Variants in COA8 observed in about 807,000 individuals in gnomAD.
COA8 encodes UPF0671 protein C14orf153.
A neutral mutation model predicts 22.0 loss-of-function variants in COA8; 20 were observed. That is an observed-to-expected ratio of 0.91 (90% CI 0.64 to 1.32). The LOEUF (loss-of-function observed/expected upper bound fraction) is 1.32, where lower values mean the gene tolerates loss of function less well. Ranked by LOEUF, COA8 falls within the 40% of genes most tolerant of loss-of-function variation. COA8 has a pLI of 0.00. For missense variants in COA8, 266 were observed against 230.0 expected (o/e 1.16, Z -1.01); for synonymous variants, 105 against 79.9 (o/e 1.31, Z -1.68).
intron 2 of COA8, among the ~76,000 whole-genome samples, chr14:103,572,090 G>A (rs1016824879): frequency 1.1e-4 from 17 of 150,990 alleles, no homozygotes; most frequent in African/African-American, 3.9e-4. Flanking sequence ...TTGCGCCACT[G>A]CACTCCAGCC....
chr14:103,568,461 A>C (rs975430111), intron 1 of COA8, among the ~76,000 whole-genome samples: 2 of 151,722 alleles, frequency 1.3e-5, no homozygotes, highest in African/African-American at 4.8e-5. Context: ...ACATACATAC[A>C]TACATACACA....
intron 3 of COA8, among the ~76,000 whole-genome samples, chr14:103,582,875 T>G (rs78902570): frequency 1.4e-4 from 21 of 151,724 alleles, no homozygotes; most frequent in African/African-American, 4.8e-4. Flanking sequence ...TTTCATCACC[T>G]CAAGAAGAAA....
At chr14:103,567,811 G>A (rs949191637) in intron 1 of COA8, among the ~76,000 whole-genome samples, 1 of 152,150 alleles carries the variant, frequency 6.6e-6, no homozygotes, top group Non-Finnish European at 1.5e-5. Context: ...AATAATTAAC[G>A]TATGTATACA....
At chr14:103,571,913 G>A (rs2076190327) in intron 2 of COA8, 93 bp downstream of exon 2, 1 of 1,083,736 alleles carries the variant, frequency 9.2e-7, no homozygotes, top group South Asian at 1.4e-5. Context: ...AGATCACGAG[G>A]TCAGGAGATC....
chr14:103,576,247 G>A lies in COA8; in HGVS notation c.385+2077G>A, dbSNP rs190721530. ...CTTGAACCCAGGAGGCGGAGGTTGC[G>A]GTGAGCCGAGATTGCGCCACTGCAC... is the stretch of plus-strand genomic sequence containing the variant. On this transcript the variant is annotated intron_variant, in intron 3 of 4. Transcript: ENST00000409074. Among the ~76,000 whole-genome samples, 24 of 152,180 alleles carry A rather than the reference G, an allele frequency of 1.6e-4. No homozygotes were observed. In the East Asian group the frequency reaches 1.9e-3, roughly 12 times the overall value.
chr14:103,563,062 T>G lies in COA8; in HGVS notation c.61T>G (p.Cys21Gly). The change falls in exon 1 of 5, where the codon TGC becomes GGC. Residue 21 changes from cysteine (C) to glycine (G), a missense_variant. Transcript: ENST00000409074. ...CCCCCCTCTCTGCCGCGCCTTCGCC[T>G]GCCGCGGCTGTCAACTCGCTCCGGA... The part of the protein sequence containing the change: ...FLPPLCRAFA[C>G]RGCQLAPERG... 1 of 1,541,266 alleles carries G rather than the reference T, an allele frequency of 6.5e-7. No individual in the cohort carries two copies. Among genetic ancestry groups the G allele is most frequent in the Non-Finnish European group, 8.7e-7 (1 of 1,148,472 alleles).
At chr14:103,585,732 C>G (rs1338748709) in intron 3 of COA8, among the ~76,000 whole-genome samples, 1 of 149,822 alleles carries the variant, frequency 6.7e-6, no homozygotes, top group African/African-American at 2.5e-5. Context: ...CACGCCACTA[C>G]ACCCGGCTAA....
chr14:103,571,286 G>C (rs913003406), intron 1 of COA8, among the ~76,000 whole-genome samples: 1 of 151,802 alleles, frequency 6.6e-6, no homozygotes, highest in Non-Finnish European at 1.5e-5. Flanking sequence ...GGAGAATGGC[G>C]TGAACCTGGG....
In COA8 at chr14:103,590,335, G is replaced by A; in HGVS notation, c.*49G>A. The A allele has an allele frequency of 6.6e-7, 1 of 1,508,934 alleles. No homozygotes were observed. The highest frequency in any genetic ancestry group is 9.1e-7 in the Non-Finnish European group (1 of 1,094,348). The allele number at this position is 1,508,934 out of a possible 1,614,324, so 93.5% of individuals were successfully genotyped here. A position where few individuals can be genotyped will look rare whatever the true frequency, so the allele number is the denominator to read the frequency against. On this transcript the variant is annotated 3_prime_UTR_variant, in exon 5 of 5. Transcript: ENST00000409074. ...GTCCAGGTTTCCACAGGAAGCAGAT[G>A]GAGCTCCTTTCACAGGGGCTCTGAG... is the stretch of plus-strand genomic sequence containing the variant.
intron 4 of COA8, among the ~76,000 whole-genome samples, chr14:103,587,697 C>T (rs2076319647): frequency 1.3e-5 from 2 of 151,492 alleles, no homozygotes; most frequent in Non-Finnish European, 1.5e-5. Flanking sequence ...TTAGTAGAGA[C>T]AGGGTTTCAC....
At chr14:103,571,926 G>C in intron 2 of COA8, 106 bp downstream of exon 2, 1 of 924,734 alleles carries the variant, frequency 1.1e-6, no homozygotes, top group Non-Finnish European at 1.6e-6. Context: ...AGGAGATCGA[G>C]ACCATCCTGG....
rs931962880 is a variant in COA8, at chr14:103,587,367, A to T, written c.476+3A>T. On this transcript the variant is annotated splice_donor_region_variant and intron_variant, in intron 4 of 4. Coordinates refer to ENST00000409074, the MANE Select transcript of COA8 (RefSeq NM_001370595.2). Reference sequence around the variant, plus strand: ...CAGAAGCACATGTATTATAACAGGTAGGTGTTTACTCTTTTCCTGAAAATT... The same window carrying T: ...CAGAAGCACATGTATTATAACAGGTTGGTGTTTACTCTTTTCCTGAAAATT... 7 of 1,604,320 alleles carry T rather than the reference A, an allele frequency of 4.4e-6. No individual in the cohort carries two copies. The highest frequency in any genetic ancestry group is 6.0e-6 in the Non-Finnish European group (7 of 1,172,816).
intron 4 of COA8, among the ~76,000 whole-genome samples, chr14:103,587,615 C>T (rs973602942): frequency 2.7e-5 from 4 of 149,832 alleles, no homozygotes; most frequent in Non-Finnish European, 5.9e-5. Flanking sequence ...TCACGCCATT[C>T]TCCTGCCTCA....
At position 103,571,554 on chromosome 14, in the gene COA8, C is replaced by T. The variant is rs2076184297; in HGVS notation, c.124-69C>T. On this transcript the variant is annotated intron_variant, in intron 1 of 4. Coordinates refer to ENST00000409074, the MANE Select transcript of COA8 (RefSeq NM_001370595.2). ...TCCGTCTCTAAGTAAATAAATAAAT[C>T]CAGATTGTACATTTTATAATACTAG... 2.1e-6 allele frequency: 3 copies of T among 1,423,204 alleles called. No individual in the cohort carries two copies. The Admixed American group carries it at 5.6e-5, about 26-fold the overall frequency. 88.2% of individuals were successfully genotyped at this position (1,423,204 alleles called of 1,614,324 possible). A position where few individuals can be genotyped will look rare whatever the true frequency, so the allele number is the denominator to read the frequency against.
chr14:103,582,748 T>TTTTG (rs2076277836), intron 3 of COA8, among the ~76,000 whole-genome samples: 1 of 150,694 alleles, frequency 6.6e-6, no homozygotes, highest in Non-Finnish European at 1.5e-5. Flanking sequence ...TTTTTTTTTT[T>TTTTG]TTTTTGAGAT....
At chr14:103,570,215 C>G (rs1311770845) in intron 1 of COA8, among the ~76,000 whole-genome samples, 3 of 152,058 alleles carry the variant, frequency 2.0e-5, no homozygotes, top group African/African-American at 7.2e-5. Flanking sequence ...AGTTTTTAGA[C>G]TGATGGGTAA....
chr14:103,590,139 C>T (rs371279921), intron 4 of COA8, 42 bp from the exon 5 acceptor site: 90 of 1,568,804 alleles, frequency 5.7e-5, no homozygotes, highest in Non-Finnish European at 7.4e-5. Context: ...AAGCCTCAGT[C>T]CCTGCCACCG....
intron 3 of COA8, among the ~76,000 whole-genome samples, chr14:103,585,807 C>T (rs984618524): frequency 2.0e-5 from 3 of 152,044 alleles, no homozygotes; most frequent in Admixed American, 2.0e-4. Flanking sequence ...ATCTCCTCAC[C>T]TTGTGATCCA....
At chr14:103,574,448 T>C in intron 3 of COA8, 1 of 595,738 alleles carries the variant, frequency 1.7e-6, no homozygotes. Context: ...GTCTCAGCCT[T>C]TGCAGCTTCT....
Sources: allele counts gnomAD v4.1 joint callset (sites outside exome capture counted in the v4.1 genomes callset), GRCh38; gene constraint gnomAD v4.1.1; transcripts MANE v1.5; gene names NCBI Gene and HGNC (gene_info 2026-07-23, HGNC 2026-07-21).